The following FAM220A variants were observed in gnomAD, a reference collection of about 807,000 sequenced individuals.
FAM220A encodes the protein family with sequence similarity 220 member A.
For synonymous variants in FAM220A, 141 were observed against 130.7 expected (o/e 1.08, Z -0.54); for missense variants, 392 against 321.6 (o/e 1.22, Z -1.68).
At position 6,330,338 on chromosome 7, in the gene FAM220A, CTTAAAA is replaced by C. The variant is rs1234174143; in HGVS notation, c.*31_*36del. On this transcript the variant is annotated 3_prime_UTR_variant, in exon 2 of 2. Transcript: ENST00000313324. ...CGAAAGAAATCATTCTAAGACAACT[CTTAAAA>C]TTAATCTATTGGTATTGTTCTGCTT... 4.5e-6 allele frequency: 7 copies of C among 1,559,724 alleles called. No homozygotes were observed. Among genetic ancestry groups the C allele is most frequent in the African/African-American group, 1.4e-5 (1 of 72,924 alleles).
At chr7:6,343,520 T>C (rs1180509209) in intron 1 of FAM220A, among the ~76,000 whole-genome samples, 4 of 149,272 alleles carry the variant, frequency 2.7e-5, no homozygotes, top group Non-Finnish European at 4.4e-5. Context: ...ACTTGTTAAA[T>C]TATAGCAGAT....
Position 6,329,959 on chromosome 7 carries a change from T to A in FAM220A, c.*416A>T, listed in dbSNP as rs1781594988. 1 of 176,998 alleles carries A rather than the reference T, an allele frequency of 5.6e-6. No homozygotes were observed. Among genetic ancestry groups the A allele is most frequent in the Non-Finnish European group, 1.3e-5 (1 of 74,820 alleles). 11.0% of individuals were successfully genotyped at this position (176,998 alleles called of 1,614,324 possible). ...CAGCTTACCACGAATTCAGCAAGAT[T>A]TAACGCCAAGTACAGTGGTGTAGAC... On this transcript the variant is annotated 3_prime_UTR_variant, in exon 2 of 2. Transcript: ENST00000313324.
At position 6,341,462 on chromosome 7, in the gene FAM220A, T is replaced by A. The variant is rs184113450; in HGVS notation, c.-82+7111A>T. The stretch of plus-strand genomic sequence containing the variant: ...GTCTCAAAAAAATAATAATAATAAT[T>A]ATTATTATTATTATGAGCACTGTCA... On this transcript the variant is annotated intron_variant, in intron 1 of 1. Coordinates refer to ENST00000313324, the MANE Select transcript of FAM220A (RefSeq NM_001037163.2). 6.5e-3 allele frequency among the ~76,000 whole-genome samples: 932 copies of A among 144,054 alleles called. 6 individuals are homozygous for A. The highest frequency in any genetic ancestry group is 0.019 in the African/African-American group (747 of 38,638). The allele number at this position is 144,054 out of a possible 152,430, so 94.5% of individuals were successfully genotyped here.
At chr7:6,338,507 A>T (rs996113467) in intron 1 of FAM220A, 2 of 152,148 alleles carry the variant, frequency 1.3e-5, no homozygotes, top group African/African-American at 4.8e-5. Flanking sequence ...CCAGAGGGTA[A>T]ATCTTGCAGC....
intron 1 of FAM220A, among the ~76,000 whole-genome samples, chr7:6,336,592 G>T (rs1177340547): frequency 6.6e-6 from 1 of 151,374 alleles, no homozygotes; most frequent in East Asian, 1.9e-4. Flanking sequence ...GCTGAGACAC[G>T]AGAATCACTT....
intron 1 of FAM220A, among the ~76,000 whole-genome samples, chr7:6,338,178 G>A (rs1466183676): frequency 2.0e-5 from 3 of 152,054 alleles, no homozygotes; most frequent in East Asian, 1.9e-4. Context: ...GTATTAGACT[G>A]TTATACATAT....
rs1324614480 is a variant in FAM220A, at chr7:6,348,892, G to A, written c.-401C>T. The A allele has an allele frequency of 3.1e-5, 12 of 387,858 alleles. 1 individual carries two copies. Among genetic ancestry groups the A allele is most frequent in the Admixed American group, 4.5e-5 (1 of 22,318 alleles). 24.0% of individuals were successfully genotyped at this position (387,858 alleles called of 1,614,324 possible). A position where few individuals can be genotyped will look rare whatever the true frequency, so the allele number is the denominator to read the frequency against. On this transcript the variant is annotated 5_prime_UTR_variant, in exon 1 of 2. Transcript: ENST00000313324. ...GACCGGCGGGCGGGCGGGCCGCAGT[G>A]GAGCGGAGTCCGCACGTCACGCTCG...
At chr7:6,332,091 G>A (rs552198657) in intron 1 of FAM220A, among the ~76,000 whole-genome samples, 34 of 147,078 alleles carry the variant, frequency 2.3e-4, no homozygotes, top group South Asian at 1.5e-3. Context: ...CAGCCTGGGC[G>A]ACAGCTAGAC....
intron 1 of FAM220A, among the ~76,000 whole-genome samples, chr7:6,336,591 C>T (rs891858541): frequency 6.6e-5 from 10 of 150,618 alleles, no homozygotes; most frequent in South Asian, 4.2e-4. Context: ...GGCTGAGACA[C>T]GAGAATCACT....
chr7:6,331,283 C>G (rs1422103007), intron 1 of FAM220A, 48 bp from the exon 2 acceptor site: 13 of 865,726 alleles, frequency 1.5e-5, no homozygotes, highest in Non-Finnish European at 2.3e-5. Context: ...ACACATGGGT[C>G]TTAAGAGCAT....
chr7:6,333,836 G>T (rs1156897375), intron 1 of FAM220A, among the ~76,000 whole-genome samples: 1 of 143,834 alleles, frequency 7.0e-6, no homozygotes, highest in Non-Finnish European at 1.5e-5. Context: ...CGAACTCCTG[G>T]CCTCTTTTTT....
chr7:6,330,208 C>T lies in FAM220A; in HGVS notation c.*167G>A. The T allele has an allele frequency of 1.5e-6, 1 of 686,010 alleles. No homozygotes were observed. Among genetic ancestry groups the T allele is most frequent in the South Asian group, 2.1e-5 (1 of 48,478 alleles). 42.5% of individuals were successfully genotyped at this position (686,010 alleles called of 1,614,324 possible). ...ACACATGCCAAAAAAGTTCCTTCCG[C>T]ATCAACTGGCTTTGAATTTAAACTC... On this transcript the variant is annotated 3_prime_UTR_variant, in exon 2 of 2. Transcript: ENST00000313324.
At position 6,345,103 on chromosome 7, in the gene FAM220A, G is replaced by T. The variant is rs530048844; in HGVS notation, c.-82+3470C>A. 4.3e-4 allele frequency among the ~76,000 whole-genome samples: 64 copies of T among 150,326 alleles called. 1 individual carries two copies. The highest frequency in any genetic ancestry group is 1.4e-3 in the African/African-American group (57 of 40,936). On this transcript the variant is annotated intron_variant, in intron 1 of 1. Transcript: ENST00000313324. ...AATGACATGATCAGATTTATGGGAG[G>T]TTATGTGTTTTTCTTGTTGTTGTTT...
chr7:6,338,122 G>A (rs897711505), intron 1 of FAM220A, among the ~76,000 whole-genome samples: 1 of 152,000 alleles, frequency 6.6e-6, no homozygotes, highest in Non-Finnish European at 1.5e-5. Context: ...ACTTCAACAG[G>A]TTATCAAAAA....
At chr7:6,339,946 A>G (rs886889525) in intron 1 of FAM220A, among the ~76,000 whole-genome samples, 4 of 151,254 alleles carry the variant, frequency 2.6e-5, no homozygotes, top group Admixed American at 6.6e-5. Flanking sequence ...GTGCAGCTGC[A>G]TGATCTCAGC....
chr7:6,334,611 T>G (rs1267856806), intron 1 of FAM220A, among the ~76,000 whole-genome samples: 3 of 145,146 alleles, frequency 2.1e-5, no homozygotes, highest in African/African-American at 7.7e-5. Context: ...GGACTACAGG[T>G]GCACACCGCC....
intron 1 of FAM220A, among the ~76,000 whole-genome samples, chr7:6,337,882 C>A (rs1305183271): frequency 2.0e-5 from 3 of 151,612 alleles, no homozygotes; most frequent in African/African-American, 7.3e-5. Flanking sequence ...TGGCTCACTG[C>A]AACCTCCGCC....
chr7:6,333,260 T>C (rs983700428), intron 1 of FAM220A, among the ~76,000 whole-genome samples: 21 of 151,636 alleles, frequency 1.4e-4, no homozygotes, highest in African/African-American at 4.8e-4. Flanking sequence ...AGGGAGAGTT[T>C]AGAGAAAGAG....
Position 6,330,432 on chromosome 7 carries a change from T to C in FAM220A, c.723A>G (p.Thr241=), listed in dbSNP as rs746677157. ...AAGGTTGCAGAGCCAGTAACCCCAG[T>C]GTTATCTGCAGACCATCTGAGGTGC... ...LKSTSDGLQI[T]LGLLALQPFE... Residue 241 remains threonine, a synonymous_variant, in exon 2 of 2, where the codon ACA becomes ACG. Coordinates refer to ENST00000313324, the MANE Select transcript of FAM220A (RefSeq NM_001037163.2). The C allele has an allele frequency of 2.5e-5, 40 of 1,614,028 alleles. No homozygotes were observed. The highest frequency in any genetic ancestry group is 4.0e-5 in the African/African-American group (3 of 74,926).
Sources: allele counts gnomAD v4.1 joint callset (sites outside exome capture counted in the v4.1 genomes callset), GRCh38; gene constraint gnomAD v4.1.1; transcripts MANE v1.5; gene names NCBI Gene and HGNC (gene_info 2026-07-23, HGNC 2026-07-21).